Variants in ACYP2 observed in about 807,000 individuals in gnomAD.
ACYP2 encodes the protein acylphosphatase 2.
Under a neutral mutation model 11.2 loss-of-function variants are expected in ACYP2, and 12 were observed. The observed-to-expected ratio is 1.08, with a 90% CI of 0.69 to 1.74. The LOEUF is 1.74. Ranked by LOEUF, ACYP2 falls within the 40% of genes most tolerant of loss-of-function variation. ACYP2 has a pLI of 0.00. For missense variants in ACYP2, 134 were observed against 101.9 expected, an observed-to-expected ratio of 1.31 and a Z score of -1.35; for synonymous variants, 43 against 32.2, an observed-to-expected ratio of 1.33 and a Z score of -1.13.
At chr2:54,279,260 A>G (rs1439790889) in intron 6 of ACYP2, among the ~76,000 whole-genome samples, 1 of 152,198 alleles carries the variant, frequency 6.6e-6, no homozygotes, top group East Asian at 1.9e-4. Flanking sequence ...TTGTAAATCA[A>G]GTTGTACTGG....
intron 4 of ACYP2, among the ~76,000 whole-genome samples, chr2:54,099,925 C>T (rs1678802245): frequency 6.6e-6 from 1 of 152,186 alleles, no homozygotes; most frequent in Admixed American, 6.5e-5. Context: ...GCGCAATGTT[C>T]CCTTTTCTCC....
intron 2 of ACYP2, among the ~76,000 whole-genome samples, chr2:54,005,992 C>T (rs1007213309): frequency 2.6e-5 from 4 of 151,584 alleles, no homozygotes; most frequent in Admixed American, 6.6e-5. Flanking sequence ...ACATATAGGC[C>T]GGGCGTGGTG....
intron 2 of ACYP2, among the ~76,000 whole-genome samples, chr2:53,978,400 C>G (rs993479632): frequency 2.6e-5 from 4 of 152,044 alleles, no homozygotes; most frequent in African/African-American, 9.7e-5. Flanking sequence ...ACCTGTCCAC[C>G]AAGTTATATA....
chr2:54,256,666 C>G (rs1002365468), intron 6 of ACYP2, among the ~76,000 whole-genome samples: 13 of 152,144 alleles, frequency 8.5e-5, no homozygotes, highest in African/African-American at 3.1e-4. Flanking sequence ...CTTTTGGACT[C>G]GTAGTTTCGC....
chr2:54,141,567 T>C (rs1681600279), intron 6 of ACYP2, among the ~76,000 whole-genome samples: 1 of 152,240 alleles, frequency 6.6e-6, no homozygotes, highest in African/African-American at 2.4e-5. Flanking sequence ...AAATCTCATA[T>C]AGACTGGATT....
chr2:54,033,768 T>C (rs1175955123), intron 2 of ACYP2, among the ~76,000 whole-genome samples: 2 of 152,220 alleles, frequency 1.3e-5, no homozygotes, highest in Admixed American at 6.5e-5. Context: ...GCCGGATGGC[T>C]GTTGCCATAA....
chr2:54,010,351 G>A (rs1673290755), intron 2 of ACYP2, among the ~76,000 whole-genome samples: 1 of 152,128 alleles, frequency 6.6e-6, no homozygotes. Flanking sequence ...GGGTGTGGTG[G>A]TGGGCACCTG....
intron 6 of ACYP2, among the ~76,000 whole-genome samples, chr2:54,241,686 T>G (rs1383975932): frequency 6.6e-6 from 1 of 152,230 alleles, no homozygotes; most frequent in Non-Finnish European, 1.5e-5. Context: ...TCAGATTTAT[T>G]TATCAAATGT....
intron 2 of ACYP2, chr2:53,973,855 A>ATATGTGTGTG (rs1351227730): frequency 8.1e-6 from 1 of 124,220 alleles, no homozygotes; most frequent in African/African-American, 3.7e-5. Context: ...GGATATATAT[A>ATATGTGTGTG]TGTGTGTGTG....
intron 4 of ACYP2, among the ~76,000 whole-genome samples, chr2:54,064,424 C>T (rs1676631699): frequency 6.6e-6 from 1 of 151,748 alleles, no homozygotes. Flanking sequence ...GTTGGCAGTG[C>T]AAGCTGTGGC....
intron 6 of ACYP2, among the ~76,000 whole-genome samples, chr2:54,154,080 G>T (rs1261312587): frequency 2.0e-5 from 3 of 151,396 alleles, no homozygotes; most frequent in Admixed American, 1.3e-4. Flanking sequence ...TGTTGTAAAT[G>T]AGACTGTTTT....
At position 54,071,882 on chromosome 2, in the gene ACYP2, G is replaced by A. The variant is rs141561978; in HGVS notation, c.277+14522G>A. ...AAAACTTAGGTGGGCATGGTGGCGC[G>A]CACCTGTAATCCCAGCTACTTAGGA... On this transcript the variant is annotated intron_variant, in intron 4 of 6. Transcript: ENST00000607452. 9.2e-3 allele frequency among the ~76,000 whole-genome samples: 1,404 copies of A among 152,166 alleles called. 17 individuals carry two copies. The highest frequency in any genetic ancestry group is 0.031 in the African/African-American group (1,280 of 41,492).
intron 2 of ACYP2, among the ~76,000 whole-genome samples, chr2:53,977,734 C>CAAA (rs56342315): frequency 1.4e-5 from 1 of 71,580 alleles, no homozygotes. Flanking sequence ...GACTCCATCT[C>CAAA]AAAAAAAAAA....
At chr2:54,192,664 G>A (rs1684284407) in intron 6 of ACYP2, among the ~76,000 whole-genome samples, 1 of 152,096 alleles carries the variant, frequency 6.6e-6, no homozygotes, top group South Asian at 2.1e-4. Context: ...TGAAATATGG[G>A]CTTTGTATTA....
intron 2 of ACYP2, among the ~76,000 whole-genome samples, chr2:54,044,223 C>G (rs1351607327): frequency 6.6e-6 from 1 of 152,188 alleles, no homozygotes. Context: ...TGTGTTGACA[C>G]AAGAATATGT....
chr2:53,979,898 G>A (rs997021363), intron 2 of ACYP2, among the ~76,000 whole-genome samples: 1 of 151,934 alleles, frequency 6.6e-6, no homozygotes, highest in African/African-American at 2.4e-5. Flanking sequence ...CACCATGTTG[G>A]CCAGGCTGGT....
chr2:54,213,719 G>A (rs967171566), intron 6 of ACYP2, among the ~76,000 whole-genome samples: 5 of 152,066 alleles, frequency 3.3e-5, no homozygotes, highest in East Asian at 1.9e-4. Flanking sequence ...CTGTGTATGC[G>A]TTCATTTGAG....
chr2:54,286,813 C>T (rs1019340913), intron 6 of ACYP2, among the ~76,000 whole-genome samples: 6 of 152,032 alleles, frequency 3.9e-5, no homozygotes, highest in African/African-American at 1.2e-4. Flanking sequence ...AAACAAAATA[C>T]AGCCTTCTCA....
chr2:53,994,724 A>G (rs1300637246), intron 2 of ACYP2, among the ~76,000 whole-genome samples: 2 of 152,190 alleles, frequency 1.3e-5, no homozygotes, highest in Non-Finnish European at 2.9e-5. Flanking sequence ...CAAAACTACT[A>G]TAGGATAGCA....
Sources: allele counts gnomAD v4.1 joint callset (sites outside exome capture counted in the v4.1 genomes callset), GRCh38; gene constraint gnomAD v4.1.1; transcripts MANE v1.5; gene names NCBI Gene and HGNC (gene_info 2026-07-23, HGNC 2026-07-21).